The following NFATC3 variants were observed in gnomAD, a reference collection of about 807,000 sequenced individuals.
NFATC3 encodes the protein nuclear factor of activated T-cells, cytoplasmic 3.
A neutral mutation model predicts 98.6 loss-of-function variants in NFATC3; 46 were observed. The observed-to-expected ratio is 0.47, with a 90% confidence interval of 0.37 to 0.60. The LOEUF (loss-of-function observed/expected upper bound fraction) is 0.60, where lower values mean the gene tolerates loss of function less well. Ranked by LOEUF, NFATC3 falls within the 20% of genes least tolerant of loss-of-function variation. The pLI is 0.00. For synonymous variants in NFATC3, 512 were observed against 472.2 expected (o/e 1.08, Z -1.09); for missense variants, 1,256 against 1,295.5 (o/e 0.97, Z 0.47).
At chr16:68,101,544 C>T (rs1004468878) in intron 1 of NFATC3, among the ~76,000 whole-genome samples, 6 of 150,066 alleles carry the variant, frequency 4.0e-5, no homozygotes, top group African/African-American at 1.5e-4. Flanking sequence ...AGTGCAGTGG[C>T]GCGATCTCGG....
At position 68,085,537 on chromosome 16, in the gene NFATC3, G is replaced by C. The variant is rs896659875; in HGVS notation, c.-145G>C. 4.6e-6 allele frequency: 3 copies of C among 656,496 alleles called. No homozygotes were observed. In the African/African-American group the frequency reaches 5.9e-5, roughly 13 times the overall value. The allele number at this position is 656,496 out of a possible 1,614,324, so 40.7% of individuals were successfully genotyped here. On this transcript the variant is annotated 5_prime_UTR_variant, in exon 1 of 10. Coordinates refer to ENST00000346183, the MANE Select transcript of NFATC3 (RefSeq NM_173165.3). ...TCGGAACGGAACGCTCGGCGTCGCG[G>C]GCCCCGCCCGGAAAGTTTGCCGTGG...
intron 1 of NFATC3, among the ~76,000 whole-genome samples, chr16:68,118,908 C>T (rs1044531004): frequency 1.3e-5 from 2 of 152,144 alleles, no homozygotes; most frequent in Non-Finnish European, 2.9e-5. Context: ...CGCTCTGTTG[C>T]CCAGGCTGGA....
intron 5 of NFATC3, among the ~76,000 whole-genome samples, chr16:68,170,494 C>CT (rs1364251442): frequency 0.025 from 3,294 of 131,006 alleles, 83 homozygotes; most frequent in African/African-American, 0.06. Flanking sequence ...TCTGGCTGTT[C>CT]TTTTTTTTTT....
chr16:68,085,907 CGT>C (rs1326264650), intron 1 of NFATC3, 123 bp downstream of exon 1: 9 of 675,696 alleles, frequency 1.3e-5, no homozygotes, highest in South Asian at 5.1e-5. Context: ...TGTGCGCGCG[CGT>C]GTGTGTGGTG....
In NFATC3 at chr16:68,174,363, A is replaced by T; in HGVS notation, c.1775-11A>T. On this transcript the variant is annotated splice_polypyrimidine_tract_variant and intron_variant, in intron 5 of 9. Transcript: ENST00000346183. ...TGTTTTTTCTCAACTCTTTAAAAAAATTTAAAACAGCCCAGCGGTCTGCTC... is the reference window on the plus strand; with the variant it reads ...TGTTTTTTCTCAACTCTTTAAAAAATTTTAAAACAGCCCAGCGGTCTGCTC... 1 of 1,383,706 alleles carries T rather than the reference A, an allele frequency of 7.2e-7. No individual in the cohort carries two copies. The highest frequency in any genetic ancestry group is 9.4e-7 in the Non-Finnish European group (1 of 1,060,952). 85.7% of individuals were successfully genotyped at this position (1,383,706 alleles called of 1,614,324 possible).
In NFATC3 at chr16:68,085,702, C is replaced by T; in HGVS notation, c.21C>T (p.Gly7=). 6.6e-7 allele frequency: 1 copy of T among 1,515,324 alleles called. No individual in the cohort carries two copies. Among genetic ancestry groups the T allele is most frequent in the South Asian group, 1.2e-5 (1 of 81,350 alleles). The allele number at this position is 1,515,324 out of a possible 1,614,324, so 93.9% of individuals were successfully genotyped here. A position where few individuals can be genotyped will look rare whatever the true frequency, so the allele number is the denominator to read the frequency against. The change falls in exon 1 of 10, where the codon GGC becomes GGT. Residue 7 remains glycine (G), a synonymous_variant. Coordinates refer to ENST00000346183, the MANE Select transcript of NFATC3 (RefSeq NM_173165.3). ...CGCCGATGACTACTGCAAACTGTGG[C>T]GCCCACGACGAGCTCGACTTCAAAC... MTTANC[G]AHDELDFKLV... is the part of the protein sequence containing the mutation.
intron 1 of NFATC3, among the ~76,000 whole-genome samples, chr16:68,121,075 G>T: frequency 6.7e-6 from 1 of 150,108 alleles, no homozygotes; most frequent in Non-Finnish European, 1.5e-5. Flanking sequence ...ATCTCATTGT[G>T]TATTTGTAAA....
chr16:68,209,754 G>C (rs1394671859), intron 9 of NFATC3: 3 of 473,506 alleles, frequency 6.3e-6, no homozygotes, highest in Non-Finnish European at 1.2e-5. Context: ...CCCGTAAAGT[G>C]GTTCGTTGCA....
In NFATC3 at chr16:68,167,810, C is replaced by CTTTTTTTTTTTTTTTTTTTTTTTTT. The variant is rs35302776; in HGVS notation, c.1774+810_1774+834dup. Among the ~76,000 whole-genome samples the CTTTTTTTTTTTTTTTTTTTTTTTTT allele has an allele frequency of 5.0e-4, 12 of 23,920 alleles. 4 individuals are homozygous for CTTTTTTTTTTTTTTTTTTTTTTTTT. The highest frequency in any genetic ancestry group is 7.5e-4 in the Non-Finnish European group (7 of 9,306). The allele number at this position is 23,920 out of a possible 152,430, so 15.7% of individuals were successfully genotyped here. On this transcript the variant is annotated intron_variant, in intron 5 of 9. Coordinates refer to ENST00000346183, the MANE Select transcript of NFATC3 (RefSeq NM_173165.3). ...TTTATATCTGTTAACCGTATGTGTT[C>CTTTTTTTTTTTTTTTTTTTTTTTTT]TTTTTTTTTTTTTTTTTTTTTTTTT... is the stretch of plus-strand genomic sequence containing the variant.
rs559402931 is a variant in NFATC3, at chr16:68,175,416, A to G, written c.1915+902A>G. ...TATACTTTAAAAGGATGGATTTTAT[A>G]GTATGTGAATTATACCTCAATTATT... On this transcript the variant is annotated intron_variant, in intron 6 of 9. Transcript: ENST00000346183. 7.2e-5 allele frequency among the ~76,000 whole-genome samples: 11 copies of G among 152,356 alleles called. No homozygotes were observed. In the East Asian group the frequency reaches 1.3e-3, roughly 19 times the overall value.
At position 68,228,289 on chromosome 16, in the gene NFATC3, G is replaced by C. The variant is rs1198437834; in HGVS notation, c.*1818G>C. On this transcript the variant is annotated 3_prime_UTR_variant, in exon 10 of 10. Coordinates refer to ENST00000346183, the MANE Select transcript of NFATC3 (RefSeq NM_173165.3). ...TCACAGAATGTGGATAGTGAGATTT[G>C]CTTCTGGGCCTGTGGTTGGACGCCC... 1 of 152,166 alleles carries C rather than the reference G, an allele frequency of 6.6e-6. No individual in the cohort carries two copies. Among genetic ancestry groups the C allele is most frequent in the Non-Finnish European group, 1.5e-5 (1 of 68,030 alleles). The allele number at this position is 152,166 out of a possible 1,614,324, so 9.4% of individuals were successfully genotyped here.
chr16:68,199,182 C>T (rs1000938661), intron 9 of NFATC3, among the ~76,000 whole-genome samples: 1 of 151,948 alleles, frequency 6.6e-6, no homozygotes, highest in African/African-American at 2.4e-5. Flanking sequence ...CGCCACTGCA[C>T]TGCAGCGTGG....
intron 9 of NFATC3, among the ~76,000 whole-genome samples, chr16:68,203,434 C>T (rs1307644134): frequency 6.6e-6 from 1 of 151,872 alleles, no homozygotes; most frequent in Non-Finnish European, 1.5e-5. Flanking sequence ...GAGTTTGAGA[C>T]CAGCTTGGGC....
intron 1 of NFATC3, among the ~76,000 whole-genome samples, chr16:68,117,193 C>T (rs1361793441): frequency 1.3e-5 from 2 of 152,152 alleles, no homozygotes; most frequent in Admixed American, 6.5e-5. Context: ...TGTTTTACTT[C>T]TGTCCACTTG....
At chr16:68,129,709 G>T (rs2037023435) in intron 3 of NFATC3, among the ~76,000 whole-genome samples, 1 of 130,170 alleles carries the variant, frequency 7.7e-6, no homozygotes. Flanking sequence ...CTAGGCTCTT[G>T]CTCTGTCACC....
At chr16:68,223,032 G>A (rs2041923597) in intron 9 of NFATC3, among the ~76,000 whole-genome samples, 1 of 152,254 alleles carries the variant, frequency 6.6e-6, no homozygotes, top group East Asian at 1.9e-4. Flanking sequence ...CTGTATAAGA[G>A]GTATTTCTCT....
chr16:68,194,108 G>A (rs574066754), intron 9 of NFATC3, among the ~76,000 whole-genome samples: 1 of 152,058 alleles, frequency 6.6e-6, no homozygotes, highest in South Asian at 2.1e-4. Flanking sequence ...CTCTGAGGTA[G>A]ATAGTGACAT....
At position 68,174,511 on chromosome 16, in the gene NFATC3, C is replaced by T; in HGVS notation, c.1912C>T (p.Gln638Ter). 6.3e-7 allele frequency: 1 copy of T among 1,598,196 alleles called. No individual in the cohort carries two copies. The highest frequency in any genetic ancestry group is 8.5e-7 in the Non-Finnish European group (1 of 1,173,490). ...ESKIIFLEKG[Q>*]DGRPQWEVEG... Reference sequence around the variant, plus strand: ...CAAAATCATTTTTCTTGAAAAAGGACAAGGTAAGTAATATATGAGTTGATT... The same window carrying T: ...CAAAATCATTTTTCTTGAAAAAGGATAAGGTAAGTAATATATGAGTTGATT... The change falls in exon 6 of 10, where the codon CAA becomes TAA. Residue 638 changes from glutamine to a stop codon, truncating the protein, a stop_gained. Transcript: ENST00000346183. LOFTEE classifies it high-confidence loss of function.
chr16:68,109,047 A>G (rs945191353), intron 1 of NFATC3, among the ~76,000 whole-genome samples: 1 of 152,168 alleles, frequency 6.6e-6, no homozygotes, highest in Admixed American at 6.6e-5. Context: ...CTCTCTTCCT[A>G]TGCGAATACC....
Sources: gnomAD v4.1 joint callset for allele counts (sites outside exome capture counted in the v4.1 genomes callset) on GRCh38, gnomAD v4.1.1 for gene constraint, MANE v1.5 for transcripts, NCBI Gene and HGNC (gene_info 2026-07-23, HGNC 2026-07-21) for gene names.